Variants in PTPRN2 observed in about 807,000 individuals in gnomAD.
PTPRN2 encodes protein tyrosine phosphatase receptor type N2.
A neutral mutation model predicts 118.8 loss-of-function variants in PTPRN2; 74 were observed. The ratio of observed to expected loss-of-function variants is 0.62; its 90% CI spans 0.52 to 0.76. PTPRN2 has a LOEUF of 0.76. Among genes scored for constraint, PTPRN2 ranks in the 30% least tolerant of loss-of-function variants. PTPRN2 has a pLI of 0.00. For synonymous variants in PTPRN2, 641 were observed against 608.0 expected (o/e 1.05, Z -0.80); for missense variants, 1,481 against 1,394.4 (o/e 1.06, Z -0.99).
At chr7:158,004,047 T>C (rs953670279) in intron 11 of PTPRN2, among the ~76,000 whole-genome samples, 2 of 152,184 alleles carry the variant, frequency 1.3e-5, no homozygotes, top group African/African-American at 2.4e-5. Context: ...GCAGCCCCCA[T>C]GGCTGCTTTT....
intron 5 of PTPRN2, among the ~76,000 whole-genome samples, chr7:158,181,987 TTGA>T (rs1232976811): frequency 1.9e-4 from 29 of 152,246 alleles, no homozygotes; most frequent in Non-Finnish European, 1.5e-5. Flanking sequence ...CTCTAGTTAC[TTGA>T]TGTGTGACAT....
At chr7:158,023,788 T>G (rs898136943) in intron 11 of PTPRN2, among the ~76,000 whole-genome samples, 2 of 152,146 alleles carry the variant, frequency 1.3e-5, no homozygotes, top group African/African-American at 4.8e-5. Flanking sequence ...CCCTCCTGAG[T>G]CATGCACATG....
intron 11 of PTPRN2, among the ~76,000 whole-genome samples, chr7:157,902,760 A>G (rs1203472798): frequency 6.6e-6 from 1 of 152,218 alleles, no homozygotes. Context: ...TTTGTTCAAT[A>G]AATACAAGAT....
chr7:157,758,052 G>A (rs1440827790), intron 12 of PTPRN2, among the ~76,000 whole-genome samples: 1 of 152,230 alleles, frequency 6.6e-6, no homozygotes, highest in Non-Finnish European at 1.5e-5. Flanking sequence ...TTGCCGGTGC[G>A]GGGGACGCGG....
chr7:157,762,279 A>G (rs1802178291), intron 12 of PTPRN2, among the ~76,000 whole-genome samples: 1 of 152,252 alleles, frequency 6.6e-6, no homozygotes, highest in Admixed American at 6.5e-5. Context: ...ATGCTGCTAT[A>G]AAGACACATG....
chr7:157,814,423 C>T (rs1049691478), intron 12 of PTPRN2, among the ~76,000 whole-genome samples: 11 of 150,804 alleles, frequency 7.3e-5, no homozygotes, highest in African/African-American at 2.2e-4. Flanking sequence ...AACTGGCGCT[C>T]GACATGGGGC....
At chr7:157,606,086 CA>C (rs1314831556) in intron 15 of PTPRN2, among the ~76,000 whole-genome samples, 1 of 152,242 alleles carries the variant, frequency 6.6e-6, no homozygotes, top group Non-Finnish European at 1.5e-5. Flanking sequence ...TGTTGGTGCC[CA>C]AAGTCCAGAG....
chr7:157,592,979 A>G (rs10949654), intron 17 of PTPRN2, among the ~76,000 whole-genome samples: 6,015 of 32,494 alleles, frequency 0.19, 473 homozygotes, highest in African/African-American at 0.31. Flanking sequence ...CATCGTGGTC[A>G]TTGAGTGTGG....
chr7:158,252,430 A>C (rs769138070), intron 3 of PTPRN2, among the ~76,000 whole-genome samples: 6 of 152,144 alleles, frequency 3.9e-5, no homozygotes, highest in Non-Finnish European at 5.9e-5. Context: ...AGGCAGGCAG[A>C]CCCAAGCATA....
chr7:157,552,798 C>T (rs577908263), intron 21 of PTPRN2, among the ~76,000 whole-genome samples: 10 of 152,308 alleles, frequency 6.6e-5, no homozygotes, highest in South Asian at 2.1e-4. Context: ...TGTGGGTTTC[C>T]GCTCCGCGTG....
chr7:157,729,631 C>T lies in PTPRN2; in HGVS notation c.1789-46694G>A, dbSNP rs923271726. Among the ~76,000 whole-genome samples the T allele has an allele frequency of 1.6e-4, 24 of 152,138 alleles. No homozygotes were observed. The highest frequency in any genetic ancestry group is 1.9e-4 in the East Asian group (1 of 5,194). On this transcript the variant is annotated intron_variant, in intron 12 of 22. Coordinates refer to ENST00000389418, the MANE Select transcript of PTPRN2 (RefSeq NM_002847.5). The surrounding 1 kb of genome is among the most constrained non-coding windows in gnomAD (Gnocchi z 4.3). Reference sequence around the variant, plus strand: ...ACCTGCAAAGGGCCATCCTGGGGTCCGAGGGCTTCCTGGTCCTGACCCAGT... The same window carrying T: ...ACCTGCAAAGGGCCATCCTGGGGTCTGAGGGCTTCCTGGTCCTGACCCAGT...
At chr7:158,527,150 G>A (rs1412099338) in intron 1 of PTPRN2, among the ~76,000 whole-genome samples, 1 of 152,166 alleles carries the variant, frequency 6.6e-6, no homozygotes, top group African/African-American at 2.4e-5. Flanking sequence ...ATCCCCCACA[G>A]CCTTCCCGTC....
chr7:158,284,581 C>T (rs1042190638), intron 3 of PTPRN2, among the ~76,000 whole-genome samples: 3 of 152,174 alleles, frequency 2.0e-5, no homozygotes, highest in Non-Finnish European at 4.4e-5. Flanking sequence ...TGGACTCTTT[C>T]TGAACTTCCT....
chr7:158,361,067 C>T (rs1398954673), intron 2 of PTPRN2, among the ~76,000 whole-genome samples: 1 of 104,678 alleles, frequency 9.6e-6, no homozygotes, highest in African/African-American at 4.9e-5. Context: ...TCCACCCACA[C>T]CCAGGACGAC....
intron 10 of PTPRN2, among the ~76,000 whole-genome samples, chr7:158,101,404 A>G (rs1446109852): frequency 1.3e-5 from 2 of 152,236 alleles, no homozygotes; most frequent in African/African-American, 2.4e-5. Context: ...CTAAGACCTG[A>G]AACCATAAAA....
chr7:158,169,779 C>T (rs1004509852), intron 5 of PTPRN2, among the ~76,000 whole-genome samples: 2 of 152,022 alleles, frequency 1.3e-5, no homozygotes, highest in Non-Finnish European at 2.9e-5. Context: ...GCAACCTCCA[C>T]CTCTGGGGTT....
chr7:158,043,634 C>G (rs963002185), intron 11 of PTPRN2, among the ~76,000 whole-genome samples: 1 of 152,210 alleles, frequency 6.6e-6, no homozygotes, highest in Admixed American at 6.5e-5. Context: ...ACTGCAAGGC[C>G]GTCTGCATTA....
chr7:158,409,550 C>A (rs190634674), intron 2 of PTPRN2, among the ~76,000 whole-genome samples: 14 of 152,194 alleles, frequency 9.2e-5, no homozygotes, highest in South Asian at 2.1e-4. Flanking sequence ...TATGAACATG[C>A]CTGAAAAGGA....
intron 3 of PTPRN2, among the ~76,000 whole-genome samples, chr7:158,208,784 A>G (rs992640570): frequency 7.9e-5 from 12 of 152,218 alleles, no homozygotes; most frequent in African/African-American, 2.9e-4. Flanking sequence ...TGGTGTGTAA[A>G]CTGCTCATAT....
Sources: allele counts gnomAD v4.1 joint callset (sites outside exome capture counted in the v4.1 genomes callset), GRCh38; gene constraint gnomAD v4.1.1; non-coding constraint Gnocchi (gnomAD v3.1); transcripts MANE v1.5; gene names NCBI Gene and HGNC (gene_info 2026-07-23, HGNC 2026-07-21).